The following CRPPA variants were observed in gnomAD, a reference collection of about 807,000 sequenced individuals.
The protein encoded by CRPPA is D-ribitol-5-phosphate cytidylyltransferase.
A neutral mutation model predicts 52.0 loss-of-function variants in CRPPA; 43 were observed. The ratio of observed to expected loss-of-function variants is 0.83; its 90% CI spans 0.65 to 1.07. The LOEUF is 1.07. CRPPA is among the 50% of genes least tolerant of loss of function. CRPPA has a pLI of 0.00. For synonymous variants in CRPPA, 250 were observed against 203.5 expected, an observed-to-expected ratio of 1.23 and a Z score of -1.94; for missense variants, 629 against 551.7, an observed-to-expected ratio of 1.14 and a Z score of -1.40.
intron 2 of CRPPA, among the ~76,000 whole-genome samples, chr7:16,388,014 G>A (rs969361836): frequency 2.0e-5 from 3 of 152,170 alleles, no homozygotes; most frequent in Non-Finnish European, 4.4e-5. Flanking sequence ...GCAAGGTCTT[G>A]CTCTGTCCCC....
At chr7:16,398,018 C>T (rs373005469) in intron 2 of CRPPA, among the ~76,000 whole-genome samples, 39 of 152,356 alleles carry the variant, frequency 2.6e-4, no homozygotes, top group Middle Eastern at 3.4e-3. Flanking sequence ...GTGATTGACA[C>T]ATGATCAACA....
At chr7:16,322,681 G>C (rs529417557) in intron 3 of CRPPA, among the ~76,000 whole-genome samples, 34 of 152,226 alleles carry the variant, frequency 2.2e-4, no homozygotes, top group Non-Finnish European at 1.0e-4. Context: ...CCAGTGATTG[G>C]TATTTGCTTC....
intron 1 of CRPPA, among the ~76,000 whole-genome samples, chr7:16,408,728 T>A (rs915608140): frequency 6.6e-6 from 1 of 152,008 alleles, no homozygotes; most frequent in African/African-American, 2.4e-5. Flanking sequence ...TTTGCAGAGG[T>A]GATTAAGGAT....
intron 9 of CRPPA, among the ~76,000 whole-genome samples, chr7:16,161,779 C>G (rs1780895741): frequency 6.6e-6 from 1 of 152,054 alleles, no homozygotes; most frequent in East Asian, 1.9e-4. Context: ...CCTATTTGTA[C>G]CCCTGGTAGA....
At chr7:16,302,295 CAAAAAAAAAAAAA>C (rs34666735) in intron 4 of CRPPA, among the ~76,000 whole-genome samples, 4 of 53,374 alleles carry the variant, frequency 7.5e-5, no homozygotes, top group African/African-American at 3.1e-4. Context: ...GACTCTGTCT[CAAAAAAAAAAAAA>C]AAAAAAAAAA....
At position 16,391,998 on chromosome 7, in the gene CRPPA, G is replaced by A. The variant is rs961900874; in HGVS notation, c.534+14063C>T. Among the ~76,000 whole-genome samples, 6 of 152,058 alleles carry A rather than the reference G, an allele frequency of 3.9e-5. No homozygotes were observed. The South Asian group carries it at 6.2e-4, about 16-fold the overall frequency. The stretch of plus-strand genomic sequence containing the variant: ...CTCAGTAAGACACCTAACTTGCTTC[G>A]ATAGAAGCACCCTGTATTTGTAGTC... On this transcript the variant is annotated intron_variant, in intron 2 of 9. Coordinates refer to ENST00000407010, the MANE Select transcript of CRPPA (RefSeq NM_001101426.4).
At chr7:16,257,230 C>T (rs935895291) in intron 8 of CRPPA, among the ~76,000 whole-genome samples, 2 of 152,080 alleles carry the variant, frequency 1.3e-5, no homozygotes, top group African/African-American at 4.8e-5. Flanking sequence ...ATTTTCACTA[C>T]ATTGGACGGC....
intron 3 of CRPPA, among the ~76,000 whole-genome samples, chr7:16,358,769 C>T (rs536855658): frequency 6.6e-6 from 1 of 152,264 alleles, no homozygotes; most frequent in Admixed American, 6.5e-5. Context: ...CTGCTTTCTA[C>T]TAGTTCTAAA....
intron 5 of CRPPA, among the ~76,000 whole-genome samples, chr7:16,297,240 C>T (rs76645248): frequency 0.037 from 5,581 of 152,170 alleles, 346 homozygotes; most frequent in African/African-American, 0.12. Flanking sequence ...TATCTTACAG[C>T]GTTATTGTAA....
At chr7:16,355,179 A>G (rs964873197) in intron 3 of CRPPA, among the ~76,000 whole-genome samples, 26 of 152,202 alleles carry the variant, frequency 1.7e-4, no homozygotes, top group Non-Finnish European at 8.8e-5. Context: ...TGTTTTTGCC[A>G]TTTAATATAT....
chr7:16,395,289 C>T (rs1378268427), intron 2 of CRPPA, among the ~76,000 whole-genome samples: 2 of 152,182 alleles, frequency 1.3e-5, no homozygotes, highest in African/African-American at 4.8e-5. Context: ...ATAAACCCCA[C>T]CTCTACTGTT....
At chr7:16,384,702 T>C (rs552070554) in intron 2 of CRPPA, among the ~76,000 whole-genome samples, 1 of 152,158 alleles carries the variant, frequency 6.6e-6, no homozygotes, top group African/African-American at 2.4e-5. Flanking sequence ...CAGAAGCTTT[T>C]CCCTGTGAAA....
intron 9 of CRPPA, among the ~76,000 whole-genome samples, chr7:16,160,577 T>C (rs1229753801): frequency 6.6e-6 from 1 of 152,196 alleles, no homozygotes; most frequent in Admixed American, 6.5e-5. Flanking sequence ...CCTTGTAGTA[T>C]AGATTGAAGT....
chr7:16,372,864 T>C (rs1786782870), intron 3 of CRPPA, among the ~76,000 whole-genome samples: 1 of 152,044 alleles, frequency 6.6e-6, no homozygotes, highest in South Asian at 2.1e-4. Context: ...GCAAACCAAA[T>C]GGAAACCAAA....
chr7:16,279,729 A>C (rs1290498908), intron 5 of CRPPA, among the ~76,000 whole-genome samples: 1 of 152,188 alleles, frequency 6.6e-6, no homozygotes, highest in Admixed American at 6.5e-5. Context: ...CTTTGCAAAC[A>C]ATCAAAATGA....
At chr7:16,180,825 G>A (rs922249863) in intron 9 of CRPPA, among the ~76,000 whole-genome samples, 3 of 151,950 alleles carry the variant, frequency 2.0e-5, no homozygotes, top group Non-Finnish European at 2.9e-5. Flanking sequence ...AGTCAAAATC[G>A]AAACATTCAT....
intron 3 of CRPPA, among the ~76,000 whole-genome samples, chr7:16,367,095 T>C (rs1786615642): frequency 6.6e-6 from 1 of 152,192 alleles, no homozygotes; most frequent in Non-Finnish European, 1.5e-5. Flanking sequence ...ATCATTTTTC[T>C]TCATATGTTC....
intron 4 of CRPPA, among the ~76,000 whole-genome samples, chr7:16,304,309 A>G (rs569504390): frequency 1.3e-5 from 2 of 152,104 alleles, no homozygotes; most frequent in South Asian, 2.1e-4. Flanking sequence ...TCTACCCTGC[A>G]TGGTGTGTTG....
chr7:16,384,725 A>G (rs958726842), intron 2 of CRPPA, among the ~76,000 whole-genome samples: 4 of 152,214 alleles, frequency 2.6e-5, no homozygotes, highest in Admixed American at 2.6e-4. Flanking sequence ...AAAAGACATC[A>G]CTAAAATAGG....
Sources: allele counts gnomAD v4.1 joint callset (sites outside exome capture counted in the v4.1 genomes callset), GRCh38; gene constraint gnomAD v4.1.1; transcripts MANE v1.5; gene names NCBI Gene and HGNC (gene_info 2026-07-23, HGNC 2026-07-21).